Variants in TBPL1 observed in about 807,000 individuals in gnomAD.
TBPL1 encodes the protein TATA box-binding protein-like 1.
Under a neutral mutation model 22.1 loss-of-function variants are expected in TBPL1, and 4 were observed. That is an observed-to-expected ratio of 0.18 (90% CI 0.09 to 0.41). The LOEUF (loss-of-function observed/expected upper bound fraction) is 0.41. Among genes scored for constraint, TBPL1 ranks in the 10% least tolerant of loss-of-function variants. TBPL1 has a pLI of 1.00. For synonymous variants in TBPL1, 64 were observed against 71.0 expected (o/e 0.90, Z 0.50); for missense variants, 115 against 222.3 (o/e 0.52, Z 3.07).
In TBPL1 at chr6:133,987,079, T is replaced by C; in HGVS notation, c.*39T>C. On this transcript the variant is annotated 3_prime_UTR_variant, in exon 7 of 7. Transcript: ENST00000237264. ...TGGTTAGAATCTCTAACTGAGCACC[T>C]TTTAAACCTGCTGCACATTGGACTC... is the stretch of plus-strand genomic sequence containing the variant. 1 of 1,451,428 alleles carries C rather than the reference T, an allele frequency of 6.9e-7. No individual in the cohort carries two copies. The highest frequency in any genetic ancestry group is 9.6e-7 in the Non-Finnish European group (1 of 1,045,272). The allele number at this position is 1,451,428 out of a possible 1,614,324, so 89.9% of individuals were successfully genotyped here. A position where few individuals can be genotyped will look rare whatever the true frequency, so the allele number is the denominator to read the frequency against.
intron 1 of TBPL1, among the ~76,000 whole-genome samples, chr6:133,953,834 C>G (rs1775881223): frequency 6.6e-6 from 1 of 152,134 alleles, no homozygotes; most frequent in Non-Finnish European, 1.5e-5. Context: ...TGCAAAGATG[C>G]TAGGGGTCCG....
In TBPL1 at chr6:133,984,494, C is replaced by A; in HGVS notation, c.386+15C>A. 6.2e-7 allele frequency: 1 copy of A among 1,612,184 alleles called. No individual in the cohort carries two copies. On this transcript the variant is annotated intron_variant, in intron 5 of 6. Transcript: ENST00000237264. ...CCTCATGCCAGGTAAGTCTTTGAAG[C>A]AATTTATCTTGAGAAATTACCAAAT...
intron 1 of TBPL1, among the ~76,000 whole-genome samples, chr6:133,956,369 G>A (rs1775927146): frequency 6.6e-6 from 1 of 152,126 alleles, no homozygotes; most frequent in Admixed American, 6.5e-5. Flanking sequence ...GGATGAGAGA[G>A]GTATTTCCCT....
chr6:133,964,232 AGTTCTCT>A (rs1441937593), intron 1 of TBPL1, among the ~76,000 whole-genome samples: 1 of 152,080 alleles, frequency 6.6e-6, no homozygotes, highest in Non-Finnish European at 1.5e-5. Context: ...TCTCTAGCCA[AGTTCTCT>A]GTGTTTATCC....
At position 133,989,804 on chromosome 6, in the gene TBPL1, T is replaced by A. The variant is rs577378861; in HGVS notation, c.*2764T>A. Reference sequence around the variant, plus strand: ...ATTGGGACAGTTTGTTAGGAACCAATAGGAAAATTCCAAGCTAAATAAAAA... The same window carrying A: ...ATTGGGACAGTTTGTTAGGAACCAAAAGGAAAATTCCAAGCTAAATAAAAA... On this transcript the variant is annotated 3_prime_UTR_variant, in exon 7 of 7. Transcript: ENST00000237264. 1 of 152,216 alleles carries A rather than the reference T, an allele frequency of 6.6e-6. No homozygotes were observed. The highest frequency in any genetic ancestry group is 1.5e-5 in the Non-Finnish European group (1 of 68,018). The allele number at this position is 152,216 out of a possible 1,614,324, so 9.4% of individuals were successfully genotyped here.
chr6:133,963,593 G>A (rs1223828156), intron 1 of TBPL1, among the ~76,000 whole-genome samples: 1 of 152,084 alleles, frequency 6.6e-6, no homozygotes, highest in African/African-American at 2.4e-5. Flanking sequence ...GCTAATTTTT[G>A]TATTTTTTTG....
chr6:133,955,801 T>A (rs1271456683), intron 1 of TBPL1, among the ~76,000 whole-genome samples: 1 of 152,222 alleles, frequency 6.6e-6, no homozygotes, highest in Non-Finnish European at 1.5e-5. Flanking sequence ...AAAAAAATTA[T>A]TCTTAAAATC....
intron 1 of TBPL1, among the ~76,000 whole-genome samples, chr6:133,963,745 A>T (rs1293889476): frequency 6.6e-6 from 1 of 151,412 alleles, no homozygotes; most frequent in African/African-American, 2.4e-5. Context: ...GATCGTTAAG[A>T]ACCGGCCTGG....
intron 1 of TBPL1, among the ~76,000 whole-genome samples, chr6:133,965,716 A>G (rs1365658005): frequency 1.3e-5 from 2 of 152,028 alleles, no homozygotes; most frequent in East Asian, 1.9e-4. Context: ...TTACTTTTAA[A>G]CTTGAAGGAA....
At chr6:133,970,775 A>AT (rs1444536403) in intron 1 of TBPL1, among the ~76,000 whole-genome samples, 2 of 151,968 alleles carry the variant, frequency 1.3e-5, no homozygotes, top group African/African-American at 4.8e-5. Flanking sequence ...TAATTTTAAA[A>AT]TTTGTTGTAG....
chr6:133,975,841 T>C (rs548493356), intron 1 of TBPL1, among the ~76,000 whole-genome samples: 1 of 152,330 alleles, frequency 6.6e-6, no homozygotes, highest in South Asian at 2.1e-4. Context: ...ATCAGTTGTA[T>C]TGTAATGTTT....
intron 1 of TBPL1, among the ~76,000 whole-genome samples, chr6:133,957,678 A>T (rs770042286): frequency 6.6e-6 from 1 of 152,228 alleles, no homozygotes; most frequent in East Asian, 1.9e-4. Context: ...GCCTGTGTTC[A>T]GCATCATGGC....
At chr6:133,978,303 A>G (rs1239833114) in intron 1 of TBPL1, among the ~76,000 whole-genome samples, 1 of 152,222 alleles carries the variant, frequency 6.6e-6, no homozygotes, top group Non-Finnish European at 1.5e-5. Context: ...CTAGATATAT[A>G]TGCTAAGTAC....
At chr6:133,982,458 G>A (rs552887479) in intron 2 of TBPL1, 110 bp from the exon 3 acceptor site, 5 of 856,974 alleles carry the variant, frequency 5.8e-6, no homozygotes, top group Non-Finnish European at 7.0e-6. Flanking sequence ...AGTTATTGCA[G>A]TCTTGGATAA....
At chr6:133,983,100 A>G (rs897118584) in intron 4 of TBPL1, among the ~76,000 whole-genome samples, 7 of 152,196 alleles carry the variant, frequency 4.6e-5, no homozygotes, top group South Asian at 2.1e-4. Context: ...TTCCTTTCCC[A>G]TAAAGAGACT....
chr6:133,970,652 A>G (rs943794903), intron 1 of TBPL1, among the ~76,000 whole-genome samples: 1 of 151,120 alleles, frequency 6.6e-6, no homozygotes, highest in Non-Finnish European at 1.5e-5. Context: ...TCTGTCACCC[A>G]GGCTGGAATG....
chr6:133,970,614 C>CTT (rs781630229), intron 1 of TBPL1, among the ~76,000 whole-genome samples: 1 of 142,626 alleles, frequency 7.0e-6, no homozygotes, highest in African/African-American at 2.6e-5. Flanking sequence ...TTTGTTTTTG[C>CTT]TTTTTTTTTT....
At chr6:133,982,500 A>G in intron 2 of TBPL1, 68 bp from the exon 3 acceptor site, 1 of 1,359,250 alleles carries the variant, frequency 7.4e-7, no homozygotes, top group South Asian at 1.4e-5. Context: ...CATTAATATG[A>G]CTATATAGAA....
intron 1 of TBPL1, among the ~76,000 whole-genome samples, chr6:133,978,887 A>G (rs1776360593): frequency 1.3e-5 from 2 of 152,186 alleles, no homozygotes; most frequent in Admixed American, 6.5e-5. Context: ...TGTGGCTGCA[A>G]GGAATTTTAA....
Sources: allele counts gnomAD v4.1 joint callset (sites outside exome capture counted in the v4.1 genomes callset), GRCh38; gene constraint gnomAD v4.1.1; transcripts MANE v1.5; gene names NCBI Gene and HGNC (gene_info 2026-07-23, HGNC 2026-07-21).